Variants in LEKR1 observed in about 807,000 individuals in gnomAD.
LEKR1 encodes the protein protein LEKR1.
LEKR1 carries 59 observed loss-of-function variants against 72.4 expected under a neutral mutation model. That is an observed-to-expected ratio of 0.82 (90% CI 0.66 to 1.01). The LOEUF (loss-of-function observed/expected upper bound fraction) is 1.01. Ranked by LOEUF, LEKR1 falls within the 50% of genes least tolerant of loss-of-function variation. The pLI, the probability that LEKR1 is intolerant of heterozygous loss-of-function variation, is 0.00. For synonymous variants in LEKR1, 257 were observed against 263.2 expected, an observed-to-expected ratio of 0.98 and a Z score of 0.23; for missense variants, 728 against 759.2, an observed-to-expected ratio of 0.96 and a Z score of 0.48.
chr3:157,041,580 T>C (rs1471503437), intron 12 of LEKR1, among the ~76,000 whole-genome samples: 1 of 152,118 alleles, frequency 6.6e-6, no homozygotes, highest in Non-Finnish European at 1.5e-5. Flanking sequence ...CCATATTTCA[T>C]CCCAAGGTGT....
intron 6 of LEKR1, among the ~76,000 whole-genome samples, chr3:156,969,012 G>A (rs1386172836): frequency 1.3e-5 from 2 of 152,116 alleles, no homozygotes; most frequent in Non-Finnish European, 2.9e-5. Context: ...TGAACAACCT[G>A]CTCCTGAATG....
chr3:156,877,556 A>G (rs1718757004), intron 3 of LEKR1, among the ~76,000 whole-genome samples: 2 of 152,168 alleles, frequency 1.3e-5, no homozygotes, highest in South Asian at 2.1e-4. Flanking sequence ...AGGGTTGTCT[A>G]TTTCCAGGAA....
At chr3:156,881,523 A>T (rs1205404343) in intron 3 of LEKR1, among the ~76,000 whole-genome samples, 8 of 151,576 alleles carry the variant, frequency 5.3e-5, no homozygotes, top group African/African-American at 1.9e-4. Context: ...ATGGAAGAAC[A>T]TTCCATGCTC....
At chr3:156,844,382 G>T (rs1714307597) in intron 2 of LEKR1, among the ~76,000 whole-genome samples, 1 of 152,002 alleles carries the variant, frequency 6.6e-6, no homozygotes, top group Non-Finnish European at 1.5e-5. Flanking sequence ...TCCTGCAGTG[G>T]TAACATCTGG....
In LEKR1 at chr3:156,835,863, C is replaced by CTTTTTTTTTT. The variant is rs59061418; in HGVS notation, c.48+6506_48+6515dup. On this transcript the variant is annotated intron_variant, in intron 2 of 12. Coordinates refer to ENST00000356539, the MANE Select transcript of LEKR1 (RefSeq NM_001004316.3). ...TCCCCCCAAGTCTTGCTCTGTCTCA[C>CTTTTTTTTTT]TTTTTTTTTTTTTTTTTTTTTTTTT... Among the ~76,000 whole-genome samples, 9 of 55,510 alleles carry CTTTTTTTTTT rather than the reference C, an allele frequency of 1.6e-4. 2 individuals are homozygous for CTTTTTTTTTT. The highest frequency in any genetic ancestry group is 2.0e-4 in the African/African-American group (3 of 14,780). 36.4% of individuals were successfully genotyped at this position (55,510 alleles called of 152,430 possible).
intron 9 of LEKR1, among the ~76,000 whole-genome samples, chr3:157,002,074 T>C (rs966854422): frequency 1.3e-5 from 2 of 152,166 alleles, no homozygotes; most frequent in African/African-American, 4.8e-5. Flanking sequence ...AACTCCTGGA[T>C]TCTAATGGTA....
At chr3:156,902,442 TTA>T (rs1336366226) in intron 3 of LEKR1, among the ~76,000 whole-genome samples, 35 of 147,448 alleles carry the variant, frequency 2.4e-4, no homozygotes, top group Admixed American at 1.1e-3. Context: ...TCAAAATATG[TTA>T]TGTTTTCTGT....
intron 4 of LEKR1, among the ~76,000 whole-genome samples, chr3:156,925,873 T>G (rs539867433): frequency 2.3e-4 from 35 of 152,114 alleles, no homozygotes; most frequent in Admixed American, 3.9e-4. Context: ...ATAATTGCCA[T>G]TTAGTAAGAT....
chr3:156,981,733 G>A (rs1174258808), intron 7 of LEKR1, among the ~76,000 whole-genome samples: 1 of 152,236 alleles, frequency 6.6e-6, no homozygotes, highest in Non-Finnish European at 1.5e-5. Flanking sequence ...GTCAGGAGGT[G>A]AGGCTAGAGT....
At chr3:156,895,174 A>G (rs1721048444) in intron 3 of LEKR1, among the ~76,000 whole-genome samples, 1 of 152,222 alleles carries the variant, frequency 6.6e-6, no homozygotes, top group Admixed American at 6.5e-5. Context: ...TCTACAAGGA[A>G]CTTAAACAAA....
intron 3 of LEKR1, among the ~76,000 whole-genome samples, chr3:156,916,431 T>G (rs1168711868): frequency 6.6e-6 from 1 of 152,158 alleles, no homozygotes; most frequent in East Asian, 1.9e-4. Context: ...AGCTCTGCTT[T>G]CTTTGACCAG....
intron 2 of LEKR1, among the ~76,000 whole-genome samples, chr3:156,842,385 G>A (rs4680308): frequency 0.064 from 9,734 of 151,324 alleles, 357 homozygotes; most frequent in South Asian, 0.12. Context: ...AACTTTTTAT[G>A]TTACTTTTTA....
At chr3:156,856,896 C>T (rs920852942) in intron 3 of LEKR1, among the ~76,000 whole-genome samples, 1 of 151,982 alleles carries the variant, frequency 6.6e-6, no homozygotes, top group Non-Finnish European at 1.5e-5. Flanking sequence ...TAGTTATACC[C>T]TTTTCCTCCT....
At chr3:156,861,855 AT>A (rs1716797716) in intron 3 of LEKR1, among the ~76,000 whole-genome samples, 1 of 152,056 alleles carries the variant, frequency 6.6e-6, no homozygotes, top group Non-Finnish European at 1.5e-5. Flanking sequence ...TAATCTTTTT[AT>A]TATCTTTTCA....
chr3:156,888,206 AAAAGT>A (rs1720301266), intron 3 of LEKR1: 15 of 668,138 alleles, frequency 2.2e-5, no homozygotes, highest in Non-Finnish European at 3.6e-5. Context: ...GAACAGACAA[AAAAGT>A]AAAGTAAAGC....
chr3:156,843,669 A>G (rs1714220896), intron 2 of LEKR1, among the ~76,000 whole-genome samples: 1 of 152,172 alleles, frequency 6.6e-6, no homozygotes, highest in Non-Finnish European at 1.5e-5. Context: ...TATATTTCCA[A>G]GCACAGATGG....
chr3:156,994,636 T>C (rs1731410443), intron 9 of LEKR1, among the ~76,000 whole-genome samples: 1 of 152,198 alleles, frequency 6.6e-6, no homozygotes, highest in Non-Finnish European at 1.5e-5. Context: ...AGTTGAAAGA[T>C]TCAGCATGTG....
chr3:157,040,729 T>C (rs568462203), intron 12 of LEKR1, among the ~76,000 whole-genome samples: 6 of 152,348 alleles, frequency 3.9e-5, no homozygotes, highest in Admixed American at 3.9e-4. Flanking sequence ...AATCTGATCA[T>C]TCCATGACTG....
chr3:156,885,265 C>T (rs1465043183), intron 3 of LEKR1, among the ~76,000 whole-genome samples: 2 of 152,178 alleles, frequency 1.3e-5, no homozygotes, highest in Admixed American at 6.5e-5. Flanking sequence ...AATCATCCTT[C>T]TGAATTTTTT....
Sources: gnomAD v4.1 joint callset for allele counts (sites outside exome capture counted in the v4.1 genomes callset) on GRCh38, gnomAD v4.1.1 for gene constraint, MANE v1.5 for transcripts, NCBI Gene and HGNC (gene_info 2026-07-23, HGNC 2026-07-21) for gene names.